Variants in RAD51 observed in about 807,000 individuals in gnomAD.
RAD51 encodes the protein RAD51 recombinase.
In RAD51, 14 loss-of-function variants were observed where a neutral mutation model predicts 41.5. That is an observed-to-expected ratio of 0.34 (90% CI 0.22 to 0.53). The LOEUF (loss-of-function observed/expected upper bound fraction) is 0.53. Ranked by LOEUF, RAD51 falls within the 20% of genes least tolerant of loss-of-function variation. The probability of loss-of-function intolerance (pLI) is 0.95; values close to 1 mark genes in which losing one functional copy is unlikely to be tolerated. For synonymous variants in RAD51, 136 were observed against 148.6 expected, an observed-to-expected ratio of 0.92 and a Z score of 0.62; for missense variants, 234 against 422.0, an observed-to-expected ratio of 0.55 and a Z score of 3.90.
chr15:40,702,051 G>T, intron 3 of RAD51: 1 of 160,816 alleles, frequency 6.2e-6, no homozygotes, highest in Non-Finnish European at 1.4e-5. Flanking sequence ...TAAAGTGCTG[G>T]GATTACAGGT....
rs929821060 is a variant in RAD51, at chr15:40,697,821, G to T, written c.-2-936G>T. Among the ~76,000 whole-genome samples, 10 of 152,144 alleles carry T rather than the reference G, an allele frequency of 6.6e-5. 2 individuals carry two copies. ...CCGCCTTGGCCTCCCAAAGTGCTGG[G>T]ATTACAGGCGTGAGCCACTCCACCT... is the stretch of plus-strand genomic sequence containing the variant. On this transcript the variant is annotated intron_variant, in intron 1 of 9. Coordinates refer to ENST00000267868, the MANE Select transcript of RAD51 (RefSeq NM_002875.5).
At chr15:40,710,894 T>A (rs1895673623) in intron 5 of RAD51, among the ~76,000 whole-genome samples, 2 of 152,200 alleles carry the variant, frequency 1.3e-5, no homozygotes, top group South Asian at 4.1e-4. Flanking sequence ...TCTATGAGAT[T>A]ATCCTCATCA....
chr15:40,708,014 CTT>C (rs35792895), intron 4 of RAD51, among the ~76,000 whole-genome samples: 11 of 115,880 alleles, frequency 9.5e-5, no homozygotes, highest in Admixed American at 1.9e-4. Flanking sequence ...CTGTGCCCAG[CTT>C]TTTTTTTTTT....
chr15:40,725,390 T>G (rs1896529879), intron 6 of RAD51, among the ~76,000 whole-genome samples: 1 of 152,192 alleles, frequency 6.6e-6, no homozygotes, highest in African/African-American at 2.4e-5. Flanking sequence ...GGTCTCTTTA[T>G]CAAGAAAAAA....
At chr15:40,709,786 T>C (rs1276476753) in intron 5 of RAD51, among the ~76,000 whole-genome samples, 3 of 152,200 alleles carry the variant, frequency 2.0e-5, no homozygotes, top group East Asian at 3.9e-4. Flanking sequence ...ATGAAACTCA[T>C]CTATCTTCTC....
intron 5 of RAD51, among the ~76,000 whole-genome samples, chr15:40,711,664 A>T (rs868364215): frequency 6.6e-6 from 1 of 152,238 alleles, no homozygotes; most frequent in East Asian, 1.9e-4. Context: ...TTAACTGTAT[A>T]GAATGGGATG....
chr15:40,706,995 A>T (rs1895385728), intron 4 of RAD51, among the ~76,000 whole-genome samples: 1 of 151,686 alleles, frequency 6.6e-6, no homozygotes, highest in African/African-American at 2.4e-5. Flanking sequence ...TTTTGACCTT[A>T]TTATTTATTT....
At chr15:40,715,920 G>A (rs1249604547) in intron 5 of RAD51, among the ~76,000 whole-genome samples, 1 of 152,212 alleles carries the variant, frequency 6.6e-6, no homozygotes, top group Non-Finnish European at 1.5e-5. Context: ...GGCAGATTCT[G>A]CTCTCTGTCC....
chr15:40,728,910 G>C, intron 7 of RAD51, 86 bp downstream of exon 7: 1 of 1,153,458 alleles, frequency 8.7e-7, no homozygotes, highest in Non-Finnish European at 1.3e-6. Flanking sequence ...ATTGATAGTA[G>C]TTTGAATTAG....
At chr15:40,702,152 T>C (rs1164364015) in intron 3 of RAD51, among the ~76,000 whole-genome samples, 5 of 152,216 alleles carry the variant, frequency 3.3e-5, no homozygotes, top group African/African-American at 1.2e-4. Context: ...TTTATTGGAT[T>C]ACTCAAATGA....
intron 6 of RAD51, among the ~76,000 whole-genome samples, chr15:40,726,464 G>A (rs1322415060): frequency 6.6e-6 from 1 of 151,776 alleles, no homozygotes; most frequent in East Asian, 2.0e-4. Flanking sequence ...TTGTTGGCAA[G>A]GCTAGTCTCG....
intron 1 of RAD51, 127 bp from the exon 2 acceptor site, chr15:40,698,630 G>A (rs776335617): frequency 6.7e-5 from 56 of 835,514 alleles, no homozygotes; most frequent in Non-Finnish European, 9.6e-5. Flanking sequence ...GAACAGAGAG[G>A]CACAATAAGA....
At chr15:40,701,562 C>T (rs1056576994) in intron 3 of RAD51, among the ~76,000 whole-genome samples, 3 of 151,562 alleles carry the variant, frequency 2.0e-5, no homozygotes, top group African/African-American at 7.3e-5. Flanking sequence ...AACTCCTGAG[C>T]TCAGGCGATT....
intron 5 of RAD51, among the ~76,000 whole-genome samples, chr15:40,711,984 A>T (rs1895727014): frequency 6.6e-6 from 1 of 151,568 alleles, no homozygotes; most frequent in Non-Finnish European, 1.5e-5. Context: ...AGGCGGGAGA[A>T]TCGCTTGAGC....
At chr15:40,698,024 A>C (rs78448302) in intron 1 of RAD51, among the ~76,000 whole-genome samples, 1 of 152,038 alleles carries the variant, frequency 6.6e-6, no homozygotes, top group East Asian at 1.9e-4. Flanking sequence ...TACTGTAGTC[A>C]CCCTACTGTG....
At chr15:40,705,422 G>A (rs982800651) in intron 3 of RAD51, among the ~76,000 whole-genome samples, 1 of 152,182 alleles carries the variant, frequency 6.6e-6, no homozygotes, top group Non-Finnish European at 1.5e-5. Context: ...AGCTGATAGA[G>A]GTGGGGAAGT....
At chr15:40,730,622 C>T (rs1896832489) in intron 9 of RAD51, among the ~76,000 whole-genome samples, 1 of 146,564 alleles carries the variant, frequency 6.8e-6, no homozygotes, top group Non-Finnish European at 1.5e-5. Context: ...CCCGGGTTCA[C>T]ACCATTCTCC....
intron 7 of RAD51, 49 bp from the exon 8 acceptor site, chr15:40,729,456 A>C: frequency 6.2e-7 from 1 of 1,605,302 alleles, no homozygotes; most frequent in Non-Finnish European, 8.5e-7. Context: ...AGGGACCAGA[A>C]TCTGACACAG....
chr15:40,705,753 C>T (rs961775484), intron 3 of RAD51, among the ~76,000 whole-genome samples: 1 of 152,034 alleles, frequency 6.6e-6, no homozygotes, highest in Admixed American at 6.6e-5. Context: ...TTCAGGCACC[C>T]GCCACCACGC....
Sources: gnomAD v4.1 joint callset for allele counts (sites outside exome capture counted in the v4.1 genomes callset) on GRCh38, gnomAD v4.1.1 for gene constraint, MANE v1.5 for transcripts, NCBI Gene and HGNC (gene_info 2026-07-23, HGNC 2026-07-21) for gene names.